HS3ST1: variants seen among roughly 807,000 people sequenced by gnomAD.
HS3ST1 encodes heparan sulfate-glucosamine 3-sulfotransferase 1.
In HS3ST1, 8 loss-of-function variants were observed where a neutral mutation model predicts 20.7. The ratio of observed to expected loss-of-function variants is 0.39; its 90% CI spans 0.23 to 0.70. The LOEUF (loss-of-function observed/expected upper bound fraction) is 0.70. HS3ST1 is among the 30% of genes least tolerant of loss of function. HS3ST1 has a pLI of 0.46. For missense variants in HS3ST1, 436 were observed against 423.4 expected, an observed-to-expected ratio of 1.03 and a Z score of -0.26; for synonymous variants, 205 against 190.4, an observed-to-expected ratio of 1.08 and a Z score of -0.63.
chr4:11,404,904 T>A (rs1305196006), intron 1 of HS3ST1, among the ~76,000 whole-genome samples: 1 of 152,224 alleles, frequency 6.6e-6, no homozygotes, highest in Admixed American at 6.5e-5. Flanking sequence ...AGGTAAGTGA[T>A]GTTTTTATTT....
At chr4:11,428,388 G>A (rs940649588) in intron 1 of HS3ST1, 1 of 151,854 alleles carries the variant, frequency 6.6e-6, no homozygotes, top group East Asian at 2.1e-4. Flanking sequence ...GCCGGCAGGA[G>A]CGAACCTCAC....
intron 1 of HS3ST1, among the ~76,000 whole-genome samples, chr4:11,412,230 C>G (rs1037082530): frequency 2.6e-5 from 4 of 152,166 alleles, no homozygotes; most frequent in Non-Finnish European, 5.9e-5. Context: ...GGGGTCTAGT[C>G]CCTGGTTCTG....
chr4:11,400,769 T>A (rs1003137119), intron 1 of HS3ST1, among the ~76,000 whole-genome samples: 1 of 152,262 alleles, frequency 6.6e-6, no homozygotes. Context: ...ATTCTTCACC[T>A]TGTGTCCAAC....
intron 1 of HS3ST1, among the ~76,000 whole-genome samples, chr4:11,421,706 T>C (rs1304994120): frequency 6.6e-6 from 1 of 152,224 alleles, no homozygotes; most frequent in African/African-American, 2.4e-5. Context: ...TCTTGAGGGA[T>C]GAAAGGAGAT....
Position 11,399,061 on chromosome 4 carries a change from C to A in HS3ST1, c.*21G>T. 6.3e-7 allele frequency: 1 copy of A among 1,587,686 alleles called. No homozygotes were observed. The highest frequency in any genetic ancestry group is 8.6e-7 in the Non-Finnish European group (1 of 1,163,494). On this transcript the variant is annotated 3_prime_UTR_variant, in exon 2 of 2. Coordinates refer to ENST00000002596, the MANE Select transcript of HS3ST1 (RefSeq NM_005114.4). This position sits in a 1 kb window ranked among gnomAD's most constrained non-coding sequence, Gnocchi z 5.1. ...ACCAGAACTTACAGTAGGAAAGTTTCTGAGCTTAGCTTATTGCAAATCAGT... is the reference window on the plus strand; with the variant it reads ...ACCAGAACTTACAGTAGGAAAGTTTATGAGCTTAGCTTATTGCAAATCAGT...
chr4:11,415,929 C>T (rs1718769585), intron 1 of HS3ST1, among the ~76,000 whole-genome samples: 2 of 152,144 alleles, frequency 1.3e-5, no homozygotes, highest in African/African-American at 4.8e-5. Flanking sequence ...ATGTGTGCAG[C>T]TAAGGAGACT....
intron 1 of HS3ST1, among the ~76,000 whole-genome samples, chr4:11,416,056 C>T (rs1280101284): frequency 1.3e-5 from 2 of 152,080 alleles, no homozygotes; most frequent in Non-Finnish European, 2.9e-5. Flanking sequence ...ATAAGAACTC[C>T]CATGAGAGAG....
rs1215795160 is a variant in HS3ST1, at chr4:11,400,134, A to G, written c.-108-21T>C. ...AATTACTAGGGAACAAAAAGGGAAG[A>G]TATTAACATATAACAAATACAGGGA... On this transcript the variant is annotated intron_variant, in intron 1 of 1. Coordinates refer to ENST00000002596, the MANE Select transcript of HS3ST1 (RefSeq NM_005114.4). The G allele has an allele frequency of 4.9e-6, 7 of 1,422,460 alleles. No individual in the cohort carries two copies. The East Asian group carries it at 1.8e-4, about 36-fold the overall frequency. 88.1% of individuals were successfully genotyped at this position (1,422,460 alleles called of 1,614,324 possible).
Position 11,398,802 on chromosome 4 carries a change from A to G in HS3ST1, c.*280T>C, listed in dbSNP as rs1256406502. On this transcript the variant is annotated 3_prime_UTR_variant, in exon 2 of 2. Transcript: ENST00000002596. ...CAAAAAAACATAGCGTCTCCAGAAA[A>G]AATCTTTTTTTTTTTTTCAGTGAAA... 3.8e-6 allele frequency: 1 copy of G among 262,678 alleles called. No individual in the cohort carries two copies. The highest frequency in any genetic ancestry group is 7.0e-6 in the Non-Finnish European group (1 of 142,422). 16.3% of individuals were successfully genotyped at this position (262,678 alleles called of 1,614,324 possible).
chr4:11,404,053 T>G (rs2108881868), intron 1 of HS3ST1, among the ~76,000 whole-genome samples: 1 of 152,288 alleles, frequency 6.6e-6, no homozygotes. Flanking sequence ...CTATATAATT[T>G]TTCTTTTTTG....
rs1018850057 is a variant in HS3ST1 at position 11,395,292 on chromosome 4, A to C, written c.*3790T>G. The stretch of plus-strand genomic sequence containing the variant: ...CCTCTGGGAAGATTCTCTATTTCTT[A>C]ATATTTCTGAGAAATGACATTCTGG... On this transcript the variant is annotated 3_prime_UTR_variant, in exon 2 of 2. Coordinates refer to ENST00000002596, the MANE Select transcript of HS3ST1 (RefSeq NM_005114.4). 6 of 151,822 alleles carry C rather than the reference A, an allele frequency of 4.0e-5. No individual in the cohort carries two copies. The highest frequency in any genetic ancestry group is 5.9e-5 in the Non-Finnish European group (4 of 67,974). The allele number at this position is 151,822 out of a possible 1,614,324, so 9.4% of individuals were successfully genotyped here.
At chr4:11,424,381 A>G (rs1357296385) in intron 1 of HS3ST1, among the ~76,000 whole-genome samples, 2 of 152,236 alleles carry the variant, frequency 1.3e-5, no homozygotes, top group South Asian at 2.1e-4. Flanking sequence ...CCCAGTAGAT[A>G]TTATTCTAAC....
chr4:11,430,975 A>G (rs1223227497), upstream of HS3ST1, among the ~76,000 whole-genome samples: 1 of 152,340 alleles, frequency 6.6e-6, no homozygotes, highest in Non-Finnish European at 1.5e-5. Context: ...GGCATTTGCC[A>G]CTGCTCCTAA....
intron 1 of HS3ST1, among the ~76,000 whole-genome samples, chr4:11,417,854 T>C (rs1718825541): frequency 6.6e-6 from 1 of 152,168 alleles, no homozygotes; most frequent in South Asian, 2.1e-4. Context: ...GCAGGATCAA[T>C]CTCCAATTGT....
At position 11,399,933 on chromosome 4, in the gene HS3ST1, G is replaced by C; in HGVS notation, c.73C>G (p.Leu25Val). ...TTCCGCAGAAGCTCCTGCTGGCCTA[G>C]CTCGGCGGGGCGGGAAGGCACTAGC... ...PQLVPSRPAE[L>V]GQQELLRKAG... The change falls in exon 2 of 2, where the codon CTA becomes GTA. Residue 25 changes from leucine to valine, a missense_variant. Transcript: ENST00000002596. The surrounding 1 kb of genome is among the most constrained non-coding windows in gnomAD (Gnocchi z 5.1). 1.3e-6 allele frequency: 2 copies of C among 1,584,166 alleles called. No homozygotes were observed.
intron 1 of HS3ST1, among the ~76,000 whole-genome samples, chr4:11,404,360 A>G (rs1335427175): frequency 6.6e-6 from 1 of 152,208 alleles, no homozygotes; most frequent in Non-Finnish European, 1.5e-5. Flanking sequence ...TAATCACTAT[A>G]TAAAATTAAT....
intron 1 of HS3ST1, among the ~76,000 whole-genome samples, chr4:11,422,025 C>A (rs1718952549): frequency 6.6e-6 from 1 of 152,222 alleles, no homozygotes; most frequent in Admixed American, 6.5e-5. Context: ...AAGGAATTAT[C>A]TACTACATTC....
At chr4:11,427,772 A>G (rs1719097878) in intron 1 of HS3ST1, among the ~76,000 whole-genome samples, 2 of 152,226 alleles carry the variant, frequency 1.3e-5, no homozygotes, top group African/African-American at 4.8e-5. Context: ...ATAACTGCAG[A>G]GCCCAGCACA....
chr4:11,426,119 T>C (rs1719053171), intron 1 of HS3ST1, among the ~76,000 whole-genome samples: 1 of 152,176 alleles, frequency 6.6e-6, no homozygotes, highest in Admixed American at 6.5e-5. Flanking sequence ...ACAGGCTCAA[T>C]TTCATCAGGA....
Sources: allele counts gnomAD v4.1 joint callset (sites outside exome capture counted in the v4.1 genomes callset), GRCh38; gene constraint gnomAD v4.1.1; non-coding constraint Gnocchi (gnomAD v3.1); transcripts MANE v1.5; gene names NCBI Gene and HGNC (gene_info 2026-07-23, HGNC 2026-07-21).